The following R3HDML variants were observed in gnomAD, a reference collection of about 807,000 sequenced individuals.
R3HDML encodes peptidase inhibitor R3HDML.
In R3HDML, 21 loss-of-function variants were observed where a neutral mutation model predicts 24.2. The observed-to-expected ratio is 0.87, with a 90% CI of 0.62 to 1.25. The LOEUF is 1.25. Ranked by LOEUF, R3HDML falls within the 50% of genes most tolerant of loss-of-function variation. The pLI is 0.00. For synonymous variants in R3HDML, 133 were observed against 131.5 expected (o/e 1.01, Z -0.08); for missense variants, 301 against 340.3 (o/e 0.88, Z 0.91).
At chr20:44,350,607 G>C (rs910385786) in intron 4 of R3HDML, 53 bp from the exon 5 acceptor site, 1 of 1,574,606 alleles carries the variant, frequency 6.4e-7, no homozygotes, top group Non-Finnish European at 8.6e-7. Context: ...ACATCTGTGT[G>C]AAGGTTACTC....
At chr20:44,345,757 A>G (rs978445960) in intron 4 of R3HDML, among the ~76,000 whole-genome samples, 7 of 152,062 alleles carry the variant, frequency 4.6e-5, no homozygotes, top group Non-Finnish European at 1.5e-5. Flanking sequence ...AGCCATTATC[A>G]TGCTCACTCA....
At chr20:44,347,433 T>G (rs2146113727) in intron 4 of R3HDML, 1 of 152,250 alleles carries the variant, frequency 6.6e-6, no homozygotes, top group Middle Eastern at 3.4e-3. Flanking sequence ...TTGCCTAGGC[T>G]GGTCTTGAAC....
chr20:44,343,073 G>C (rs139658202), intron 2 of R3HDML, among the ~76,000 whole-genome samples: 107 of 152,278 alleles, frequency 7.0e-4, no homozygotes, highest in African/African-American at 2.5e-3. Flanking sequence ...GAGATCATCC[G>C]AGGAGCCCTT....
Position 44,337,302 on chromosome 20 carries a change from G to A in R3HDML, c.145G>A (p.Val49Met), listed in dbSNP as rs758810362. The change falls in exon 1 of 5, where the codon GTG (valine) becomes ATG (methionine). Residue 49 changes from valine (V) to methionine (M), a missense_variant. By Grantham distance (21) the Val-to-Met change is conservative. Coordinates refer to ENST00000217043, the MANE Select transcript of R3HDML (RefSeq NM_178491.4). The surrounding 1 kb of genome is among the most constrained non-coding windows in gnomAD (Gnocchi z 4.7). ...TATGCGGCTCCTGAGTGGCCTGGAGGTGCCCAGGTACCGCCGGAAGCGCCA... is the reference window on the plus strand; with the variant it reads ...TATGCGGCTCCTGAGTGGCCTGGAGATGCCCAGGTACCGCCGGAAGCGCCA... ...TAMRLLSGLE[V>M]PRYRRKRHIS... 1 of 1,614,210 alleles carries A rather than the reference G, an allele frequency of 6.2e-7. No individual in the cohort carries two copies. The highest frequency in any genetic ancestry group is 1.6e-4 in the Middle Eastern group (1 of 6,062).
intron 4 of R3HDML, among the ~76,000 whole-genome samples, chr20:44,350,390 C>G (rs145518800): frequency 1.4e-4 from 22 of 151,962 alleles, no homozygotes; most frequent in African/African-American, 5.3e-4. Flanking sequence ...GTAGCATGTG[C>G]CTGTAGTCTT....
At chr20:44,338,435 C>T (rs551096151) in intron 1 of R3HDML, among the ~76,000 whole-genome samples, 2 of 152,156 alleles carry the variant, frequency 1.3e-5, no homozygotes, top group East Asian at 3.9e-4. Context: ...CATAAGATAA[C>T]GTGAGGAGGC....
At chr20:44,350,587 T>G in intron 4 of R3HDML, 73 bp from the exon 5 acceptor site, 79 of 1,467,762 alleles carry the variant, frequency 5.4e-5, no homozygotes, top group Non-Finnish European at 6.7e-5. Context: ...GTGGCAGCGC[T>G]GAGATCTGGA....
rs139896312 is a variant in R3HDML, at chr20:44,345,491, T to C, written c.629+113T>C. 5.6e-4 allele frequency: 408 copies of C among 731,206 alleles called. 2 individuals carry two copies. The Admixed American group carries it at 8.7e-3, about 16-fold the overall frequency. 45.3% of individuals were successfully genotyped at this position (731,206 alleles called of 1,614,324 possible). A position where few individuals can be genotyped will look rare whatever the true frequency, so the allele number is the denominator to read the frequency against. Reference sequence around the variant, plus strand: ...TTCATTCTAAGTGCCCTCAATACCATATAATTTGGGTAGTTTTAAGAGTTT... The same window carrying C: ...TTCATTCTAAGTGCCCTCAATACCACATAATTTGGGTAGTTTTAAGAGTTT... On this transcript the variant is annotated intron_variant, in intron 4 of 4. Transcript: ENST00000217043.
chr20:44,338,797 C>T (rs367580694), intron 1 of R3HDML, among the ~76,000 whole-genome samples: 4 of 152,144 alleles, frequency 2.6e-5, no homozygotes, highest in African/African-American at 9.7e-5. Flanking sequence ...GAGAGCCGGG[C>T]GCAGTGGCTC....
At position 44,337,251 on chromosome 20, in the gene R3HDML, GC is replaced by G; in HGVS notation, c.98del (p.Pro33ArgfsTer12). 1 of 1,614,064 alleles carries G rather than the reference GC, an allele frequency of 6.2e-7. No homozygotes were observed. The highest frequency in any genetic ancestry group is 8.5e-7 in the Non-Finnish European group (1 of 1,180,018). ...NALIMPNATPAPAQPESTAMR... is the reference protein window; with the variant it reads ...NALIMPNATPXPAQPESTAMR... ...CTTGATAATGCCTAATGCTACCCCA[GC>G]CCCGGCCCAGCCCGAGAGCACGGCT... On this transcript the variant is annotated frameshift_variant, in exon 1 of 5. Transcript: ENST00000217043. LOFTEE classifies it high-confidence loss of function. This position sits in a 1 kb window ranked among gnomAD's most constrained non-coding sequence, Gnocchi z 4.7.
intron 4 of R3HDML, among the ~76,000 whole-genome samples, chr20:44,349,281 G>A (rs181418737): frequency 1.8e-3 from 281 of 152,114 alleles, no homozygotes; most frequent in African/African-American, 6.3e-3. Context: ...ATGGGAAATC[G>A]ACCGTTTTCA....
At position 44,341,279 on chromosome 20, in the gene R3HDML, A is replaced by G. The variant is rs2062771618; in HGVS notation, c.345A>G (p.Arg115=). The G allele has an allele frequency of 1.9e-6, 3 of 1,614,008 alleles. No individual in the cohort carries two copies. Among genetic ancestry groups the G allele is most frequent in the African/African-American group, 1.3e-5 (1 of 74,930 alleles). ...IWAHGPSQLM[R]YVGQNLSIHS... ...CACATGGGCCTTCACAGCTGATGAG[A>G]TACGTGGGCCAGAACCTCTCCATCC... The change falls in exon 2 of 5, where the codon AGA becomes AGG. Residue 115 remains arginine, a synonymous_variant. Transcript: ENST00000217043.
At chr20:44,340,115 C>A (rs540881160) in intron 1 of R3HDML, among the ~76,000 whole-genome samples, 1 of 152,000 alleles carries the variant, frequency 6.6e-6, no homozygotes, top group Non-Finnish European at 1.5e-5. Context: ...CCACCACACC[C>A]GGCTAATTTT....
At chr20:44,345,810 A>AT (rs545044142) in intron 4 of R3HDML, among the ~76,000 whole-genome samples, 3 of 141,976 alleles carry the variant, frequency 2.1e-5, no homozygotes, top group Admixed American at 1.4e-4. Flanking sequence ...TTAATAATCC[A>AT]TTTTTTCTTT....
At chr20:44,341,055 C>A in intron 1 of R3HDML, 141 bp from the exon 2 acceptor site, 1 of 666,314 alleles carries the variant, frequency 1.5e-6, no homozygotes, top group South Asian at 1.8e-5. Context: ...GAGCCTCAGT[C>A]TTCTACTTTG....
intron 4 of R3HDML, among the ~76,000 whole-genome samples, chr20:44,346,191 G>A (rs1165315151): frequency 1.3e-5 from 2 of 152,256 alleles, no homozygotes; most frequent in South Asian, 4.1e-4. Flanking sequence ...CACAATCACA[G>A]CTCACTACAG....
intron 1 of R3HDML, 77 bp from the exon 2 acceptor site, chr20:44,341,119 T>G: frequency 8.2e-7 from 1 of 1,216,666 alleles, no homozygotes; most frequent in East Asian, 2.4e-5. Context: ...CGGCACCAGG[T>G]AAATGTGCAT....
At chr20:44,341,162 C>A in intron 1 of R3HDML, 34 bp from the exon 2 acceptor site, 1 of 1,557,692 alleles carries the variant, frequency 6.4e-7, no homozygotes, top group Non-Finnish European at 8.8e-7. Context: ...GGTGGCAATT[C>A]CCCTGGGGAA....
intron 1 of R3HDML, among the ~76,000 whole-genome samples, 193 bp from the exon 2 acceptor site, chr20:44,341,003 C>T (rs140696426): frequency 6.6e-6 from 1 of 152,158 alleles, no homozygotes; most frequent in African/African-American, 2.4e-5. Flanking sequence ...GACCCCAGCT[C>T]TGGTATGGAC....
Sources: allele counts gnomAD v4.1 joint callset (sites outside exome capture counted in the v4.1 genomes callset), GRCh38; gene constraint gnomAD v4.1.1; non-coding constraint Gnocchi (gnomAD v3.1); transcripts MANE v1.5; gene names NCBI Gene and HGNC (gene_info 2026-07-23, HGNC 2026-07-21).